DAB1: variants seen among roughly 807,000 people sequenced by gnomAD.
DAB1 encodes disabled homolog 1.
DAB1 carries 15 observed loss-of-function variants against 64.6 expected under a neutral mutation model. The ratio of observed to expected loss-of-function variants is 0.23; its 90% confidence interval spans 0.16 to 0.36. The LOEUF is 0.36. Among genes scored for constraint, DAB1 ranks in the 10% least tolerant of loss-of-function variants. The probability of loss-of-function intolerance (pLI) is 1.00; values close to 1 mark genes in which losing one functional copy is unlikely to be tolerated. For missense variants in DAB1, 596 were observed against 706.7 expected, an observed-to-expected ratio of 0.84 and a Z score of 1.78; for synonymous variants, 235 against 251.9, an observed-to-expected ratio of 0.93 and a Z score of 0.64.
chr1:57,536,416 G>A (rs150161635), intron 7 of DAB1, among the ~76,000 whole-genome samples: 146 of 152,316 alleles, frequency 9.6e-4, no homozygotes, highest in African/African-American at 3.4e-3. Context: ...TGCTTCTGAG[G>A]ACCTTGACAA....
chr1:57,779,112 A>C (rs909963411), intron 6 of DAB1, among the ~76,000 whole-genome samples: 4 of 152,176 alleles, frequency 2.6e-5, no homozygotes, highest in Non-Finnish European at 4.4e-5. Flanking sequence ...TCTATGAAGG[A>C]AATAAAACAG....
intron 4 of DAB1, among the ~76,000 whole-genome samples, chr1:57,100,881 G>A (rs1319831496): frequency 6.6e-6 from 1 of 151,882 alleles, no homozygotes; most frequent in Non-Finnish European, 1.5e-5. Context: ...AAAAGCAGAA[G>A]GTAAATCATG....
intron 4 of DAB1, among the ~76,000 whole-genome samples, chr1:58,315,837 GA>G (rs1193484032): frequency 2.0e-4 from 30 of 152,322 alleles, no homozygotes; most frequent in African/African-American, 6.7e-4. Context: ...TTGTACTCAA[GA>G]TGCTAAGATT....
intron 4 of DAB1, among the ~76,000 whole-genome samples, chr1:57,072,679 T>C (rs546445401): frequency 1.4e-4 from 22 of 152,356 alleles, no homozygotes; most frequent in African/African-American, 4.6e-4. Context: ...TTCAGCTTGC[T>C]AGAGCCAGCC....
chr1:57,109,655 C>T (rs1570709358), intron 4 of DAB1, among the ~76,000 whole-genome samples: 1 of 152,136 alleles, frequency 6.6e-6, no homozygotes, highest in African/African-American at 2.4e-5. Context: ...TATCATGTGC[C>T]AGCTCTTATG....
At chr1:58,226,723 G>A (rs1203279270) in intron 4 of DAB1, among the ~76,000 whole-genome samples, 6 of 152,194 alleles carry the variant, frequency 3.9e-5, no homozygotes, top group Non-Finnish European at 8.8e-5. Context: ...TCCTTAGGAG[G>A]TAGGTTCTAT....
At chr1:57,313,895 G>A (rs887516451) in intron 1 of DAB1, among the ~76,000 whole-genome samples, 18 of 152,258 alleles carry the variant, frequency 1.2e-4, no homozygotes, top group East Asian at 1.9e-4. Context: ...CCCTTCCACC[G>A]TGTGAAGTTA....
At chr1:57,860,303 C>T (rs1323091355) in intron 1 of DAB1, among the ~76,000 whole-genome samples, 1 of 152,178 alleles carries the variant, frequency 6.6e-6, no homozygotes, top group East Asian at 1.9e-4. Context: ...TATTACTGTT[C>T]TCCATTTCCT....
intron 1 of DAB1, among the ~76,000 whole-genome samples, chr1:57,881,606 C>T (rs1349518782): frequency 6.6e-6 from 1 of 152,172 alleles, no homozygotes; most frequent in Admixed American, 6.5e-5. Context: ...CCCACTTAAA[C>T]TATGCAGACA....
At chr1:58,246,357 C>G (rs1445130275) in intron 4 of DAB1, among the ~76,000 whole-genome samples, 1 of 152,104 alleles carries the variant, frequency 6.6e-6, no homozygotes, top group African/African-American at 2.4e-5. Flanking sequence ...CACAGCACTT[C>G]AAGAGGGGCG....
At chr1:57,755,556 T>C (rs1419421120) in intron 6 of DAB1, among the ~76,000 whole-genome samples, 3 of 152,230 alleles carry the variant, frequency 2.0e-5, no homozygotes, top group Non-Finnish European at 4.4e-5. Flanking sequence ...AAATGGCTCA[T>C]GAGCTTCATT....
chr1:57,780,768 T>C (rs1215539368), intron 6 of DAB1, among the ~76,000 whole-genome samples: 1 of 151,528 alleles, frequency 6.6e-6, no homozygotes, highest in African/African-American at 2.4e-5. Context: ...TTTCTTTTTT[T>C]TTTGAGACAG....
intron 4 of DAB1, among the ~76,000 whole-genome samples, chr1:58,188,793 GATTATGCTT>G (rs1197013507): frequency 6.6e-6 from 1 of 152,174 alleles, no homozygotes; most frequent in Admixed American, 6.6e-5. Flanking sequence ...GTAACTCACT[GATTATGCTT>G]TGTTTTTCTC....
upstream of DAB1, among the ~76,000 whole-genome samples, chr1:57,885,496 C>A (rs886707359): frequency 2.0e-5 from 3 of 152,078 alleles, no homozygotes; most frequent in Non-Finnish European, 2.9e-5. Context: ...TATGTGTGTA[C>A]AGGAAATCAA....
intron 2 of DAB1, among the ~76,000 whole-genome samples, chr1:57,267,865 C>T (rs535187180): frequency 1.3e-5 from 2 of 152,228 alleles, no homozygotes; most frequent in Admixed American, 1.3e-4. Context: ...CATGGGTATC[C>T]CACGCTCCCC....
intron 2 of DAB1, among the ~76,000 whole-genome samples, chr1:57,247,378 G>A (rs1668965843): frequency 6.6e-6 from 1 of 152,110 alleles, no homozygotes; most frequent in African/African-American, 2.4e-5. Flanking sequence ...GGTAAGATGT[G>A]CTTGTTTCCC....
intron 2 of DAB1, among the ~76,000 whole-genome samples, chr1:57,275,238 A>G (rs529590434): frequency 1.3e-5 from 2 of 152,328 alleles, no homozygotes; most frequent in African/African-American, 2.4e-5. Context: ...AAAAATTGTC[A>G]TTTAAATTTG....
At chr1:57,232,642 T>C (rs1667772753) in intron 2 of DAB1, among the ~76,000 whole-genome samples, 1 of 152,014 alleles carries the variant, frequency 6.6e-6, no homozygotes, top group Non-Finnish European at 1.5e-5. Context: ...AATGGTAATT[T>C]CCCTCCCATC....
In DAB1 at chr1:58,092,454, TG is replaced by T. The variant is rs1275808006; in HGVS notation, n.387+58056del. On this transcript the variant is annotated intron_variant and non_coding_transcript_variant, in intron 5 of 20. Transcript: ENST00000485760. ...AGAGATGACCATCACATTCCTGGGCTGGTTTCTTCCCTCAAGCACAACTGGA... is the reference window on the plus strand; with the variant it reads ...AGAGATGACCATCACATTCCTGGGCTGTTTCTTCCCTCAAGCACAACTGGA... 2.0e-5 allele frequency among the ~76,000 whole-genome samples: 3 copies of T among 152,286 alleles called. No homozygotes were observed. In the South Asian group the frequency reaches 6.2e-4, roughly 32 times the overall value.
Sources: allele counts gnomAD v4.1 joint callset (sites outside exome capture counted in the v4.1 genomes callset), GRCh38; gene constraint gnomAD v4.1.1; transcripts MANE v1.5; gene names NCBI Gene and HGNC (gene_info 2026-07-23, HGNC 2026-07-21).